Variants in CALHM2 observed in about 807,000 individuals in gnomAD.
CALHM2 encodes the protein calcium homeostasis modulator family member 2, also known as calcium homeostasis modulator protein 2.
Under a neutral mutation model 20.4 loss-of-function variants are expected in CALHM2, and 18 were observed. That is an observed-to-expected ratio of 0.88 (90% confidence interval 0.61 to 1.31). The LOEUF (loss-of-function observed/expected upper bound fraction) is 1.31, where lower values mean the gene tolerates loss of function less well. Ranked by LOEUF, CALHM2 falls within the 50% of genes most tolerant of loss-of-function variation. The probability of loss-of-function intolerance (pLI) is 0.00; values close to 1 mark genes in which losing one functional copy is unlikely to be tolerated. For missense variants in CALHM2, 411 were observed against 435.7 expected, an observed-to-expected ratio of 0.94 and a Z score of 0.50; for synonymous variants, 193 against 192.1, an observed-to-expected ratio of 1.00 and a Z score of -0.04.
intron 2 of CALHM2, chr10:103,450,530 G>A (rs1384214442): frequency 6.3e-6 from 1 of 159,104 alleles, no homozygotes; most frequent in Admixed American, 5.9e-5. Context: ...TAGCAGAGGG[G>A]CCAGGGACTC....
intron 3 of CALHM2, chr10:103,449,163 G>A: frequency 1.8e-6 from 1 of 560,046 alleles, no homozygotes; most frequent in Non-Finnish European, 3.2e-6. Flanking sequence ...ATATACAACT[G>A]AGATTTACAG....
At position 103,447,189 on chromosome 10, in the gene CALHM2, G is replaced by C; in HGVS notation, c.935C>G (p.Ala312Gly). ...WAQGLAGNGA[A>G]PDNVEMALLP... Reference sequence around the variant, plus strand: ...CAGGGCCATCTCCACGTTGTCAGGGGCCGCGCCGTTGCCTGCCAGACCCTG... The same window carrying C: ...CAGGGCCATCTCCACGTTGTCAGGGCCCGCGCCGTTGCCTGCCAGACCCTG... Residue 312 changes from alanine to glycine, a missense_variant, in exon 4 of 4, where the codon GCC becomes GGC. Physicochemically the swap from Ala to Gly is moderately conservative, Grantham distance 60. Coordinates refer to ENST00000260743, the MANE Select transcript of CALHM2 (RefSeq NM_015916.5). 6 of 1,613,568 alleles carry C rather than the reference G, an allele frequency of 3.7e-6. No individual in the cohort carries two copies. Among genetic ancestry groups the C allele is most frequent in the Non-Finnish European group, 5.1e-6 (6 of 1,179,622 alleles).
In CALHM2 at chr10:103,449,656, C is replaced by A; in HGVS notation, c.286G>T (p.Ala96Ser). 1 of 1,613,814 alleles carries A rather than the reference C, an allele frequency of 6.2e-7. No individual in the cohort carries two copies. The highest frequency in any genetic ancestry group is 8.5e-7 in the Non-Finnish European group (1 of 1,180,038). Residue 96 changes from alanine (A) to serine (S), a missense_variant, in exon 3 of 4, where the codon GCC becomes TCC. Coordinates refer to ENST00000260743, the MANE Select transcript of CALHM2 (RefSeq NM_015916.5). ...CQHRRTKNCS[A>S]APTFLLLSSI... The stretch of plus-strand genomic sequence containing the variant: ...CTTAGAAGGAGGAAGGTGGGGGCGG[C>A]GGAGCAGTTCTTGGTCCTCCGGTGC...
Position 103,450,048 on chromosome 10 carries a change from G to T in CALHM2, c.-107C>A. On this transcript the variant is annotated 5_prime_UTR_variant, in exon 3 of 4. Transcript: ENST00000260743. Reference sequence around the variant, plus strand: ...GGCACAGGCTGGGAGGCGCTGGACGGCAGGGTGTGGTTGTGCTATTTTATC... The same window carrying T: ...GGCACAGGCTGGGAGGCGCTGGACGTCAGGGTGTGGTTGTGCTATTTTATC... 9.8e-7 allele frequency: 1 copy of T among 1,015,758 alleles called. No homozygotes were observed. Among genetic ancestry groups the T allele is most frequent in the Non-Finnish European group, 1.5e-6 (1 of 683,590 alleles). 62.9% of individuals were successfully genotyped at this position (1,015,758 alleles called of 1,614,324 possible). A position where few individuals can be genotyped will look rare whatever the true frequency, so the allele number is the denominator to read the frequency against.
chr10:103,449,669 G>T lies in CALHM2; in HGVS notation c.273C>A (p.Thr91=), dbSNP rs544677535. ...AGGTGGGGGCGGCGGAGCAGTTCTT[G>T]GTCCTCCGGTGCTGGCACTCGGCCA... is the stretch of plus-strand genomic sequence containing the variant. ...NLVAECQHRR[T]KNCSAAPTFL... The change falls in exon 3 of 4, where the codon ACC becomes ACA. Residue 91 remains threonine (T), a synonymous_variant. Coordinates refer to ENST00000260743, the MANE Select transcript of CALHM2 (RefSeq NM_015916.5). 310 of 1,613,860 alleles carry T rather than the reference G, an allele frequency of 1.9e-4. 4 individuals carry two copies. The South Asian group carries it at 3.3e-3, about 17-fold the overall frequency.
Position 103,447,318 on chromosome 10 carries a change from A to G in CALHM2, c.806T>C (p.Val269Ala), listed in dbSNP as rs770877875. ...DDEELIANFP[V>A]EGTQPRPQWN... ...CTGTGGCCGTGGCTGCGTGCCTTCCACTGGGAAGTTGGCAATCAGTTCCTC... is the reference window on the plus strand; with the variant it reads ...CTGTGGCCGTGGCTGCGTGCCTTCCGCTGGGAAGTTGGCAATCAGTTCCTC... The change falls in exon 4 of 4, where the codon GTG becomes GCG. Residue 269 changes from valine to alanine, a missense_variant. Val to Ala is a moderately conservative substitution (Grantham distance 64). Coordinates refer to ENST00000260743, the MANE Select transcript of CALHM2 (RefSeq NM_015916.5). The G allele has an allele frequency of 1.9e-6, 3 of 1,614,096 alleles. No individual in the cohort carries two copies. In the Admixed American group the frequency reaches 5.0e-5, roughly 27 times the overall value.
intron 3 of CALHM2, among the ~76,000 whole-genome samples, chr10:103,448,298 C>T (rs900692133): frequency 4.0e-5 from 6 of 151,798 alleles, no homozygotes; most frequent in Non-Finnish European, 5.9e-5. Context: ...AGGTGCCCAC[C>T]ACCACTCCTG....
chr10:103,447,021 TGTG>T lies in CALHM2; in HGVS notation c.*128_*130del. On this transcript the variant is annotated 3_prime_UTR_variant, in exon 4 of 4. Coordinates refer to ENST00000260743, the MANE Select transcript of CALHM2 (RefSeq NM_015916.5). ...GGTCTGTCCACACCCCAGATTGCCT[TGTG>T]GTCCTTTCCCCTGGCCAAGAAGATA... 1 of 979,364 alleles carries T rather than the reference TGTG, an allele frequency of 1.0e-6. No homozygotes were observed. Among genetic ancestry groups the T allele is most frequent in the Non-Finnish European group, 1.5e-6 (1 of 677,560 alleles). 60.7% of individuals were successfully genotyped at this position (979,364 alleles called of 1,614,324 possible).
rs141836397 is a variant in CALHM2, at chr10:103,447,173, C to T, written c.951G>A (p.Glu317=). 56 of 1,610,766 alleles carry T rather than the reference C, an allele frequency of 3.5e-5. No homozygotes were observed. Among genetic ancestry groups the T allele is most frequent in the Admixed American group, 1.8e-4 (11 of 59,816 alleles). ...CTCCTTAGGAGGGGAGCAGGGCCAT[C>T]TCCACGTTGTCAGGGGCCGCGCCGT... ...AGNGAAPDNV[E]MALLPS The change falls in exon 4 of 4, where the codon GAG becomes GAA. Residue 317 remains glutamate (E), a synonymous_variant. Transcript: ENST00000260743.
At chr10:103,450,128 C>T (rs1185672249) in intron 2 of CALHM2, 29 bp from the exon 3 acceptor site, 1 of 606,188 alleles carries the variant, frequency 1.6e-6, no homozygotes, top group Non-Finnish European at 2.9e-6. Flanking sequence ...ATAAGTGTTT[C>T]CCTCTGAAAA....
At chr10:103,447,610 GC>G in intron 3 of CALHM2, 42 bp from the exon 4 acceptor site, 1 of 1,497,642 alleles carries the variant, frequency 6.7e-7, no homozygotes, top group Non-Finnish European at 8.9e-7. Context: ...GCGAGGAACT[GC>G]CTAAGCCCTA....
chr10:103,446,894 T>C lies in CALHM2; in HGVS notation c.*258A>G. 2.4e-6 allele frequency: 1 copy of C among 417,814 alleles called. No individual in the cohort carries two copies. Among genetic ancestry groups the C allele is most frequent in the Non-Finnish European group, 4.2e-6 (1 of 237,472 alleles). The allele number at this position is 417,814 out of a possible 1,614,324, so 25.9% of individuals were successfully genotyped here. A position where few individuals can be genotyped will look rare whatever the true frequency, so the allele number is the denominator to read the frequency against. ...TGCACTGCTGCGCTGGGTGTCCCTA[T>C]GCAGCTAGATACATGTTAACTGCAT... On this transcript the variant is annotated 3_prime_UTR_variant, in exon 4 of 4. Transcript: ENST00000260743.
At position 103,449,987 on chromosome 10, in the gene CALHM2, A is replaced by G. The variant is rs377757031; in HGVS notation, c.-46T>C. The G allele has an allele frequency of 3.2e-5, 50 of 1,554,914 alleles. No homozygotes were observed. The African/African-American group carries it at 5.0e-4, about 16-fold the overall frequency. On this transcript the variant is annotated 5_prime_UTR_variant, in exon 3 of 4. Transcript: ENST00000260743. ...GGATTGCAGGAGAGGAGGCAGGAGG[A>G]GACGGGATTGATGGTTGCTGGTGGT...
chr10:103,449,749 C>T lies in CALHM2; in HGVS notation c.193G>A (p.Ala65Thr), dbSNP rs759788665. ...LYGLAAIGVP[A>T]LVLFIIGIIL... ...ATGCCAATGATGAAGAGCACCAGGG[C>T]GGGCACGCCGATGGCCGCCAGCCCG... is the stretch of plus-strand genomic sequence containing the variant. Residue 65 changes from alanine (A) to threonine (T), a missense_variant, in exon 3 of 4, where the codon GCC (alanine) becomes ACC (threonine). Transcript: ENST00000260743. 92 of 1,613,334 alleles carry T rather than the reference C, an allele frequency of 5.7e-5. No homozygotes were observed. Among genetic ancestry groups the T allele is most frequent in the Middle Eastern group, 1.6e-4 (1 of 6,084 alleles).
rs753895692 is a variant in CALHM2 at position 103,449,516 on chromosome 10, C to G, written c.426G>C (p.Thr142=). The G allele has an allele frequency of 1.2e-6, 2 of 1,613,576 alleles. No homozygotes were observed. The highest frequency in any genetic ancestry group is 1.1e-5 in the South Asian group (1 of 91,088). The part of the protein sequence containing the change: ...LSEFVDPSSL[T]AREEHFPSAH... ...CTGATGGGAAGTGCTCTTCCCTGGC[C>G]GTGAGTGAGGAAGGGTCCACGAACT... Residue 142 remains threonine (T), a synonymous_variant, in exon 3 of 4, where the codon ACG becomes ACC. Transcript: ENST00000260743.
In CALHM2 at chr10:103,447,185, A is replaced by G. The variant is rs758608318; in HGVS notation, c.939T>C (p.Pro313=). The change falls in exon 4 of 4, where the codon CCT becomes CCC. Residue 313 remains proline, a synonymous_variant. Coordinates refer to ENST00000260743, the MANE Select transcript of CALHM2 (RefSeq NM_015916.5). The part of the protein sequence containing the change: ...AQGLAGNGAA[P]DNVEMALLPS Reference sequence around the variant, plus strand: ...GGAGCAGGGCCATCTCCACGTTGTCAGGGGCCGCGCCGTTGCCTGCCAGAC... The same window carrying G: ...GGAGCAGGGCCATCTCCACGTTGTCGGGGGCCGCGCCGTTGCCTGCCAGAC... 1 of 1,612,420 alleles carries G rather than the reference A, an allele frequency of 6.2e-7. No homozygotes were observed. The highest frequency in any genetic ancestry group is 8.5e-7 in the Non-Finnish European group (1 of 1,178,856).
Position 103,452,318 on chromosome 10 carries a change from C to T in CALHM2, c.-524G>A, listed in dbSNP as rs2033043077. 1 of 152,564 alleles carries T rather than the reference C, an allele frequency of 6.6e-6. No homozygotes were observed. The highest frequency in any genetic ancestry group is 2.1e-4 in the South Asian group (1 of 4,846). The allele number at this position is 152,564 out of a possible 1,614,324, so 9.5% of individuals were successfully genotyped here. A position where few individuals can be genotyped will look rare whatever the true frequency, so the allele number is the denominator to read the frequency against. On this transcript the variant is annotated 5_prime_UTR_variant, in exon 1 of 4. Coordinates refer to ENST00000260743, the MANE Select transcript of CALHM2 (RefSeq NM_015916.5). The stretch of plus-strand genomic sequence containing the variant: ...TGGTGGCGGCTTCAGACTAATCTAA[C>T]TCCAGAAAAGAGAGAAGAAAACAGT...
intron 3 of CALHM2, among the ~76,000 whole-genome samples, chr10:103,448,591 C>T (rs900723130): frequency 2.0e-5 from 3 of 151,654 alleles, no homozygotes; most frequent in African/African-American, 2.4e-5. Flanking sequence ...GTGGTGGCTG[C>T]GTGCCTGTAA....
In CALHM2 at chr10:103,447,227, C is replaced by T; in HGVS notation, c.897G>A (p.Leu299=). The change falls in exon 4 of 4, where the codon CTG becomes CTA. Residue 299 remains leucine, a synonymous_variant. Transcript: ENST00000260743. The part of the protein sequence containing the change: ...ENQGLPLYSR[L]HKWAQGLAGN... The stretch of plus-strand genomic sequence containing the variant: ...CTGCCAGACCCTGGGCCCACTTGTG[C>T]AGGCGGCTGTAGAGTGGGAGGCCCT... 2 of 1,614,204 alleles carry T rather than the reference C, an allele frequency of 1.2e-6. No homozygotes were observed. The highest frequency in any genetic ancestry group is 1.7e-6 in the Non-Finnish European group (2 of 1,180,030).
Sources: gnomAD v4.1 joint callset for allele counts (sites outside exome capture counted in the v4.1 genomes callset) on GRCh38, gnomAD v4.1.1 for gene constraint, MANE v1.5 for transcripts, NCBI Gene and HGNC (gene_info 2026-07-23, HGNC 2026-07-21) for gene names.